Variants in PRCP observed in about 807,000 individuals in gnomAD.
The protein encoded by PRCP is lysosomal Pro-X carboxypeptidase.
PRCP carries 46 observed loss-of-function variants against 54.2 expected under a neutral mutation model. That is an observed-to-expected ratio of 0.85 (90% CI 0.67 to 1.09). The LOEUF (loss-of-function observed/expected upper bound fraction) is 1.09, where lower values mean the gene tolerates loss of function less well. Among genes scored for constraint, PRCP ranks in the 50% least tolerant of loss-of-function variants. The pLI, the probability that PRCP is intolerant of heterozygous loss-of-function variation, is 0.00. For synonymous variants in PRCP, 240 were observed against 212.2 expected, an observed-to-expected ratio of 1.13 and a Z score of -1.14; for missense variants, 613 against 596.8, an observed-to-expected ratio of 1.03 and a Z score of -0.28.
In PRCP at chr11:82,874,690, CAAA is replaced by C. The variant is rs36084037; in HGVS notation, c.169-14576_169-14574del. 6.2e-3 allele frequency among the ~76,000 whole-genome samples: 424 copies of C among 68,808 alleles called. 1 individual carries two copies. Among genetic ancestry groups the C allele is most frequent in the African/African-American group, 0.016 (382 of 23,562 alleles). The allele number at this position is 68,808 out of a possible 152,430, so 45.1% of individuals were successfully genotyped here. A position where few individuals can be genotyped will look rare whatever the true frequency, so the allele number is the denominator to read the frequency against. On this transcript the variant is annotated intron_variant, in intron 1 of 8. Coordinates refer to ENST00000313010, the MANE Select transcript of PRCP (RefSeq NM_005040.4). ...TGGGCAACAAAGTGAGACCCTGTCT[CAAA>C]AAAAAAAAAAAAAAAAGAAAAAAAA...
At chr11:82,884,167 C>A (rs971054490) in intron 1 of PRCP, among the ~76,000 whole-genome samples, 1 of 152,168 alleles carries the variant, frequency 6.6e-6, no homozygotes, top group Non-Finnish European at 1.5e-5. Context: ...GAATCACAGC[C>A]ATTGTTTGGG....
At chr11:82,857,078 ATCT>A (rs1281431680) in intron 2 of PRCP, among the ~76,000 whole-genome samples, 39 of 152,138 alleles carry the variant, frequency 2.6e-4, no homozygotes, top group Non-Finnish European at 4.6e-4. Context: ...TGTTTGCCAA[ATCT>A]TCTAGGAAAG....
In PRCP at chr11:82,838,402, G is replaced by C. The variant is rs750518760; in HGVS notation, c.1259C>G (p.Thr420Arg). The change falls in exon 8 of 9, where the codon ACA (threonine) becomes AGA (arginine). Residue 420 changes from threonine to arginine, a missense_variant. Coordinates refer to ENST00000313010, the MANE Select transcript of PRCP (RefSeq NM_005040.4). ...MYGGKNISSH[T>R]NIVFSNGELD... Reference sequence around the variant, plus strand: ...AAAAACTCACCTGAAAACAATGTTTGTGTGTGAACTAATGTTTTTGCCTCC... The same window carrying C: ...AAAAACTCACCTGAAAACAATGTTTCTGTGTGAACTAATGTTTTTGCCTCC... The C allele has an allele frequency of 2.9e-5, 46 of 1,609,134 alleles. No individual in the cohort carries two copies. Among genetic ancestry groups the C allele is most frequent in the Non-Finnish European group, 3.7e-5 (44 of 1,178,130 alleles).
intron 1 of PRCP, among the ~76,000 whole-genome samples, chr11:82,877,935 G>A (rs924402647): frequency 3.3e-5 from 5 of 152,210 alleles, no homozygotes; most frequent in Non-Finnish European, 5.9e-5. Flanking sequence ...ATGCCAGCCA[G>A]TGAAAGCAAC....
intron 2 of PRCP, among the ~76,000 whole-genome samples, 175 bp downstream of exon 2, chr11:82,859,802 A>C (rs1392100431): frequency 2.0e-5 from 3 of 152,152 alleles, no homozygotes; most frequent in Non-Finnish European, 2.9e-5. Context: ...TGAACTTCCT[A>C]TTCATGTGCT....
chr11:82,867,630 T>C (rs1454140904), intron 1 of PRCP, among the ~76,000 whole-genome samples: 1 of 152,210 alleles, frequency 6.6e-6, no homozygotes, highest in Non-Finnish European at 1.5e-5. Context: ...AAAGTGCTGC[T>C]GTAATCAAGC....
At chr11:82,890,184 A>G (rs1367195090) in intron 1 of PRCP, among the ~76,000 whole-genome samples, 1 of 152,186 alleles carries the variant, frequency 6.6e-6, no homozygotes, top group East Asian at 1.9e-4. Flanking sequence ...TGGCCTTACA[A>G]AGTTAGAAAA....
At chr11:82,855,864 T>A (rs866396420) in intron 2 of PRCP, among the ~76,000 whole-genome samples, 29 of 152,250 alleles carry the variant, frequency 1.9e-4, no homozygotes, top group African/African-American at 6.5e-4. Flanking sequence ...CAGATGTTGG[T>A]GAGGTTGTGG....
At chr11:82,870,187 CAACAT>C (rs1226031199) in intron 1 of PRCP, among the ~76,000 whole-genome samples, 2 of 152,196 alleles carry the variant, frequency 1.3e-5, no homozygotes, top group Admixed American at 6.5e-5. Context: ...GTAAAATGTA[CAACAT>C]AGCAGCTCGT....
intron 1 of PRCP, among the ~76,000 whole-genome samples, chr11:82,866,307 G>A (rs1160954351): frequency 2.0e-5 from 3 of 152,202 alleles, no homozygotes; most frequent in Admixed American, 2.0e-4. Context: ...CCCTTCCCAC[G>A]AAGATGCTCT....
intron 2 of PRCP, among the ~76,000 whole-genome samples, chr11:82,857,248 G>A (rs1399287472): frequency 6.6e-6 from 1 of 152,138 alleles, no homozygotes; most frequent in Non-Finnish European, 1.5e-5. Flanking sequence ...ATAACTGAGT[G>A]TTTATAATGT....
intron 1 of PRCP, among the ~76,000 whole-genome samples, chr11:82,891,085 T>A (rs578187872): frequency 1.3e-5 from 2 of 152,330 alleles, no homozygotes; most frequent in Admixed American, 1.3e-4. Flanking sequence ...TCTTCTAAAT[T>A]CTTGACACAA....
At chr11:82,868,318 C>T (rs1382388961) in intron 1 of PRCP, among the ~76,000 whole-genome samples, 1 of 151,932 alleles carries the variant, frequency 6.6e-6, no homozygotes, top group South Asian at 2.1e-4. Context: ...CACTAAATCA[C>T]ATTAATATTA....
At chr11:82,831,890 C>A (rs1246197767) in intron 8 of PRCP, among the ~76,000 whole-genome samples, 2 of 152,002 alleles carry the variant, frequency 1.3e-5, no homozygotes, top group Non-Finnish European at 2.9e-5. Flanking sequence ...CCCGACAGGC[C>A]CCAGTGTGTT....
intron 1 of PRCP, among the ~76,000 whole-genome samples, chr11:82,897,869 C>G (rs1318007898): frequency 6.6e-6 from 1 of 152,204 alleles, no homozygotes; most frequent in East Asian, 1.9e-4. Flanking sequence ...CATAGAAGGA[C>G]AGCTGGGTCC....
intron 1 of PRCP, among the ~76,000 whole-genome samples, chr11:82,862,764 T>C (rs1440069919): frequency 6.6e-6 from 1 of 152,244 alleles, no homozygotes; most frequent in East Asian, 1.9e-4. Flanking sequence ...GGACGAGGTA[T>C]GTAATAATGA....
At position 82,900,371 on chromosome 11, in the gene PRCP, A is replaced by G; in HGVS notation, c.32T>C (p.Leu11Pro). The G allele has an allele frequency of 1.9e-6, 3 of 1,613,972 alleles. No individual in the cohort carries two copies. The highest frequency in any genetic ancestry group is 1.1e-5 in the South Asian group (1 of 91,086). The stretch of plus-strand genomic sequence containing the variant: ...GGTGGCCCAGGGCGCCAGAAAAGAC[A>G]GAAGCAGGAGCAGGAGGGCTCGGCG... MGRRALLLLL[L>P]SFLAPWATIA... The change falls in exon 1 of 9, where the codon CTG becomes CCG. Residue 11 changes from leucine to proline, a missense_variant. By Grantham distance (98) the Leu-to-Pro change is moderately conservative. Coordinates refer to ENST00000313010, the MANE Select transcript of PRCP (RefSeq NM_005040.4).
At chr11:82,855,671 C>T (rs948335568) in intron 2 of PRCP, among the ~76,000 whole-genome samples, 3 of 151,850 alleles carry the variant, frequency 2.0e-5, no homozygotes, top group Admixed American at 2.0e-4. Context: ...GAAAAAACAA[C>T]CCCATTAAAA....
upstream of PRCP, chr11:82,900,757 C>G: frequency 2.0e-6 from 1 of 489,528 alleles, no homozygotes; most frequent in Non-Finnish European, 4.0e-6. Flanking sequence ...GCCCACCTGT[C>G]CTTCAGGTCA....
Sources: allele counts gnomAD v4.1 joint callset (sites outside exome capture counted in the v4.1 genomes callset), GRCh38; gene constraint gnomAD v4.1.1; transcripts MANE v1.5; gene names NCBI Gene and HGNC (gene_info 2026-07-23, HGNC 2026-07-21).